DAAM2: variants seen among roughly 807,000 people sequenced by gnomAD.
DAAM2 encodes disheveled-associated activator of morphogenesis 2.
Under a neutral mutation model 120.7 loss-of-function variants are expected in DAAM2, and 39 were observed. That is an observed-to-expected ratio of 0.32 (90% confidence interval 0.25 to 0.42). The LOEUF is 0.42. DAAM2 is among the 10% of genes least tolerant of loss of function. The pLI is 1.00. For synonymous variants in DAAM2, 488 were observed against 524.9 expected, an observed-to-expected ratio of 0.93 and a Z score of 0.96; for missense variants, 1,283 against 1,401.7, an observed-to-expected ratio of 0.92 and a Z score of 1.35.
chr6:39,842,058 C>T (rs996763585), intron 1 of DAAM2, among the ~76,000 whole-genome samples: 1 of 152,230 alleles, frequency 6.6e-6, no homozygotes, highest in Non-Finnish European at 1.5e-5. Flanking sequence ...TCCTTTGCCA[C>T]TTGCTGAGGG....
rs772394347 is a variant in DAAM2 at position 39,900,223 on chromosome 6, A to G, written c.2811+15A>G. The G allele has an allele frequency of 1.7e-5, 27 of 1,606,612 alleles. No homozygotes were observed. The African/African-American group carries it at 3.5e-4, about 21-fold the overall frequency. ...CCAGGGACAAGGTAAGGGTGCCCCA[A>G]CCCCCACTGCTTGCCAACCCAGCCT... On this transcript the variant is annotated intron_variant, in intron 23 of 24. Coordinates refer to ENST00000274867, the MANE Select transcript of DAAM2 (RefSeq NM_001201427.2).
chr6:39,844,758 T>C (rs943220615), intron 1 of DAAM2, among the ~76,000 whole-genome samples: 9 of 152,070 alleles, frequency 5.9e-5, no homozygotes, highest in Admixed American at 3.3e-4. Context: ...TTTCCAGCGA[T>C]CTTACTGTTT....
intron 1 of DAAM2, among the ~76,000 whole-genome samples, chr6:39,796,785 CCAGGTCA>C (rs1262399364): frequency 5.3e-5 from 8 of 151,882 alleles, no homozygotes; most frequent in African/African-American, 1.9e-4. Flanking sequence ...TCTGGCACCA[CCAGGTCA>C]CAAGCTTGCT....
Position 39,879,370 on chromosome 6 carries a change from C to A in DAAM2, c.1738C>A (p.Pro580Thr). The change falls in exon 14 of 25, where the codon CCC (proline) becomes ACC (threonine). Residue 580 changes from proline (P) to threonine (T), a missense_variant. Pro to Thr is a conservative substitution (Grantham distance 38). Around this residue, in one of 3 missense-constraint regions of DAAM2, gnomAD observed 748 missense variants for 768.6 expected, o/e 0.97. Coordinates refer to ENST00000274867, the MANE Select transcript of DAAM2 (RefSeq NM_001201427.2). ...CCCACCTTGCCTCGGCATGGGCCTG[C>A]CCCTCCCTCAGGACCCCTACCCCAG... Reference protein sequence around the residue: ...GAPPCLGMGLPLPQDPYPSSD... With the variant: ...GAPPCLGMGLTLPQDPYPSSD... 6.2e-7 allele frequency: 1 copy of A among 1,612,882 alleles called. No homozygotes were observed. Among genetic ancestry groups the A allele is most frequent in the Non-Finnish European group, 8.5e-7 (1 of 1,179,434 alleles).
intron 1 of DAAM2, among the ~76,000 whole-genome samples, chr6:39,800,961 C>T (rs1404552934): frequency 6.6e-6 from 1 of 152,148 alleles, no homozygotes; most frequent in Non-Finnish European, 1.5e-5. Flanking sequence ...AGAAGAAACC[C>T]TACCTACTTT....
rs746305195 is a variant in DAAM2 at position 39,900,194 on chromosome 6, G to A, written c.2797G>A (p.Glu933Lys). The A allele has an allele frequency of 1.9e-6, 3 of 1,609,900 alleles. No individual in the cohort carries two copies. In the African/African-American group the frequency reaches 4.0e-5, roughly 22 times the overall value. The change falls in exon 23 of 25, where the codon GAG becomes AAG. Residue 933 changes from glutamate (E) to lysine (K), a missense_variant. Around this residue, in one of 3 missense-constraint regions of DAAM2, gnomAD observed 748 missense variants for 768.6 expected, o/e 0.97. Coordinates refer to ENST00000274867, the MANE Select transcript of DAAM2 (RefSeq NM_001201427.2). Reference protein sequence around the residue: ...SFSELEDQLNEARDKFAKALM... With the variant: ...SFSELEDQLNKARDKFAKALM... ...CTCCGAGCTGGAGGACCAGCTAAAT[G>A]AGGCCAGGGACAAGGTAAGGGTGCC...
At chr6:39,886,361 C>T (rs754294372) in intron 15 of DAAM2, 22 of 399,130 alleles carry the variant, frequency 5.5e-5, no homozygotes, top group Non-Finnish European at 8.0e-5. Flanking sequence ...TCTGGGTCCC[C>T]AAATGTCTTG....
In DAAM2 at chr6:39,841,413, G is replaced by T. The variant is rs1487331144; in HGVS notation, c.-56-14834G>T. Among the ~76,000 whole-genome samples, 10 of 151,110 alleles carry T rather than the reference G, an allele frequency of 6.6e-5. 1 individual carries two copies. The highest frequency in any genetic ancestry group is 1.7e-4 in the African/African-American group (7 of 40,966). On this transcript the variant is annotated intron_variant, in intron 1 of 24. Transcript: ENST00000274867. ...GGGAGGGAACTCCTTGGGGAAAGGT[G>T]GGGGAGGGCCTCCAGAGGGAGGGCC...
chr6:39,873,725 G>A (rs1280388487), intron 10 of DAAM2, among the ~76,000 whole-genome samples: 1 of 152,210 alleles, frequency 6.6e-6, no homozygotes, highest in African/African-American at 2.4e-5. Flanking sequence ...CACAGATGTG[G>A]AATGAACATG....
intron 14 of DAAM2, among the ~76,000 whole-genome samples, chr6:39,880,295 T>C (rs1765061786): frequency 6.6e-6 from 1 of 152,204 alleles, no homozygotes; most frequent in Non-Finnish European, 1.5e-5. Context: ...TTGGACTGGC[T>C]CTTGGGGAAC....
intron 1 of DAAM2, among the ~76,000 whole-genome samples, chr6:39,796,877 G>A (rs1316204559): frequency 6.6e-6 from 1 of 152,088 alleles, no homozygotes; most frequent in Non-Finnish European, 1.5e-5. Context: ...TTCTGAAAAT[G>A]AAATGGAATG....
intron 1 of DAAM2, among the ~76,000 whole-genome samples, chr6:39,845,078 C>T (rs913118472): frequency 2.2e-5 from 3 of 136,614 alleles, no homozygotes; most frequent in East Asian, 2.3e-4. Flanking sequence ...ACCACACATA[C>T]ATATACAACA....
Position 39,879,300 on chromosome 6 carries a change from A to T in DAAM2, c.1668A>T (p.Pro556=). 1 of 569,392 alleles carries T rather than the reference A, an allele frequency of 1.8e-6. No homozygotes were observed. Among genetic ancestry groups the T allele is most frequent in the Non-Finnish European group, 2.4e-6 (1 of 420,696 alleles). The allele number at this position is 569,392 out of a possible 1,614,324, so 35.3% of individuals were successfully genotyped here. A position where few individuals can be genotyped will look rare whatever the true frequency, so the allele number is the denominator to read the frequency against. The change falls in exon 14 of 25, where the codon CCA becomes CCT. Residue 556 remains proline (P), a synonymous_variant. Transcript: ENST00000274867. Reference sequence around the variant, plus strand: ...CCTTTGCCTGTTGTCCCCCTCCCCCACCACCACCCCTTCCTCCCGGGGGAC... The same window carrying T: ...CCTTTGCCTGTTGTCCCCCTCCCCCTCCACCACCCCTTCCTCCCGGGGGAC... ...PLPFACCPPP[P]PPPLPPGGPP... is the part of the protein sequence containing the mutation.
chr6:39,882,516 C>T (rs530406121), intron 14 of DAAM2, among the ~76,000 whole-genome samples: 4 of 152,178 alleles, frequency 2.6e-5, no homozygotes, highest in South Asian at 2.1e-4. Context: ...CCTACCTCCA[C>T]GTTGGTCCTA....
chr6:39,869,012 C>A, intron 7 of DAAM2, 79 bp downstream of exon 7: 1 of 1,084,420 alleles, frequency 9.2e-7, no homozygotes, highest in Non-Finnish European at 1.4e-6. Flanking sequence ...GTTGCTTCCC[C>A]AATAATTGTT....
intron 5 of DAAM2, among the ~76,000 whole-genome samples, chr6:39,865,418 A>T (rs1764386469): frequency 6.6e-6 from 1 of 152,244 alleles, no homozygotes; most frequent in African/African-American, 2.4e-5. Flanking sequence ...GAGCCTTGTG[A>T]GGATGAGGGG....
At chr6:39,885,481 C>T (rs1323640728) in intron 15 of DAAM2, 2 of 152,228 alleles carry the variant, frequency 1.3e-5, no homozygotes, top group Admixed American at 6.5e-5. Flanking sequence ...GGACTCTGGC[C>T]CAGCCTACTC....
intron 14 of DAAM2, among the ~76,000 whole-genome samples, chr6:39,881,089 A>C (rs1052336946): frequency 6.6e-6 from 1 of 152,242 alleles, no homozygotes. Context: ...TCAATAATGA[A>C]GGAAGACAGC....
chr6:39,868,139 GC>G, intron 6 of DAAM2: 3 of 403,760 alleles, frequency 7.4e-6, no homozygotes, highest in Admixed American at 3.8e-5. Context: ...TTGTGGCTCT[GC>G]ATCTCCAACC....
Sources: gnomAD v4.1 joint callset for allele counts (sites outside exome capture counted in the v4.1 genomes callset) on GRCh38, gnomAD v4.1.1 for gene constraint, gnomAD v4.1.1 regional missense constraint, MANE v1.5 for transcripts, NCBI Gene and HGNC (gene_info 2026-07-23, HGNC 2026-07-21) for gene names.